Variants in PTPN13 observed in about 807,000 individuals in gnomAD.
PTPN13 encodes the protein tyrosine-protein phosphatase non-receptor type 13.
In PTPN13, 191 loss-of-function variants were observed where a neutral mutation model predicts 284.0. That is an observed-to-expected ratio of 0.67 (90% confidence interval 0.60 to 0.76). The LOEUF (loss-of-function observed/expected upper bound fraction) is 0.76, where lower values mean the gene tolerates loss of function less well. Ranked by LOEUF, PTPN13 falls within the 30% of genes least tolerant of loss-of-function variation. The probability of loss-of-function intolerance (pLI) is 0.00; values close to 1 mark genes in which losing one functional copy is unlikely to be tolerated. For synonymous variants in PTPN13, 986 were observed against 1,022.3 expected (o/e 0.96, Z 0.68); for missense variants, 2,797 against 2,939.9 (o/e 0.95, Z 1.12).
intron 2 of PTPN13, among the ~76,000 whole-genome samples, chr4:86,659,449 T>G (rs78208023): frequency 1.3e-3 from 191 of 152,310 alleles, no homozygotes; most frequent in African/African-American, 4.4e-3. Context: ...AATATCTGAT[T>G]AAGTATTCAT....
At chr4:86,763,291 C>A in intron 24 of PTPN13, 101 bp downstream of exon 24, 2 of 1,039,682 alleles carry the variant, frequency 1.9e-6, no homozygotes, top group Non-Finnish European at 2.8e-6. Flanking sequence ...TTTCATTATT[C>A]TGGAAAAAAG....
chr4:86,805,241 C>A, intron 43 of PTPN13, 38 bp from the exon 44 acceptor site: 1 of 1,372,784 alleles, frequency 7.3e-7, no homozygotes, highest in South Asian at 1.3e-5. Context: ...TGAATTACTG[C>A]TTATCTCAAC....
intron 47 of PTPN13, among the ~76,000 whole-genome samples, chr4:86,813,532 C>T (rs553140707): frequency 2.6e-5 from 4 of 152,286 alleles, no homozygotes; most frequent in Non-Finnish European, 4.4e-5. Flanking sequence ...GCAACCTCCA[C>T]CTCCCAGGTT....
chr4:86,785,834 T>C lies in PTPN13; in HGVS notation c.6257-14T>C, dbSNP rs1741834862. 1 of 1,501,160 alleles carries C rather than the reference T, an allele frequency of 6.7e-7. No individual in the cohort carries two copies. The highest frequency in any genetic ancestry group is 1.4e-5 in the African/African-American group (1 of 72,060). The allele number at this position is 1,501,160 out of a possible 1,614,324, so 93.0% of individuals were successfully genotyped here. A position where few individuals can be genotyped will look rare whatever the true frequency, so the allele number is the denominator to read the frequency against. ...TTTTATAAATTCCTCTTGGCCTATA[T>C]ATTCCTCTCTCAGGTACATTAAAGA... is the stretch of plus-strand genomic sequence containing the variant. On this transcript the variant is annotated splice_polypyrimidine_tract_variant and intron_variant, in intron 39 of 47. Coordinates refer to ENST00000411767, the MANE Select transcript of PTPN13 (RefSeq NM_080683.3).
At chr4:86,677,467 A>G (rs1728417211) in intron 3 of PTPN13, among the ~76,000 whole-genome samples, 2 of 151,328 alleles carry the variant, frequency 1.3e-5, no homozygotes, top group South Asian at 2.1e-4. Context: ...GGCGCATGCC[A>G]CCACACCCAG....
chr4:86,598,641 C>G (rs1000175576), intron 1 of PTPN13, among the ~76,000 whole-genome samples: 1 of 152,164 alleles, frequency 6.6e-6, no homozygotes, highest in African/African-American at 2.4e-5. Context: ...TACCTACTAG[C>G]CAATAAATGT....
intron 42 of PTPN13, among the ~76,000 whole-genome samples, chr4:86,799,431 A>G (rs866815480): frequency 2.0e-5 from 3 of 151,394 alleles, no homozygotes; most frequent in Admixed American, 6.6e-5. Context: ...TCCGCAGTTC[A>G]AGCAATTCTC....
At chr4:86,652,041 C>T (rs1267905038) in intron 2 of PTPN13, among the ~76,000 whole-genome samples, 1 of 152,140 alleles carries the variant, frequency 6.6e-6, no homozygotes, top group Admixed American at 6.5e-5. Flanking sequence ...ATGATCACAC[C>T]TGTGAATAGC....
At position 86,782,262 on chromosome 4, in the gene PTPN13, G is replaced by T; in HGVS notation, c.6024G>T (p.Thr2008=). The change falls in exon 37 of 48, where the codon ACG becomes ACT. Residue 2008 remains threonine (T), a splice_region_variant and synonymous_variant. Transcript: ENST00000411767. The part of the protein sequence containing the change: ...PALTPNDSFS[T]VAGEEINEIS... ...TCACTCCTAATGATTCATTCTCCAC[G>T]GTAAGAAAAAGCCCACCCTCTTTCA... 1 of 1,603,476 alleles carries T rather than the reference G, an allele frequency of 6.2e-7. No homozygotes were observed. Among genetic ancestry groups the T allele is most frequent in the Non-Finnish European group, 8.5e-7 (1 of 1,170,572 alleles).
chr4:86,812,322 A>AT, intron 47 of PTPN13, among the ~76,000 whole-genome samples: 1 of 151,008 alleles, frequency 6.6e-6, no homozygotes, highest in East Asian at 1.9e-4. Flanking sequence ...AAAAAAAAAA[A>AT]AAAAAAAAAA....
intron 22 of PTPN13, 69 bp from the exon 23 acceptor site, chr4:86,758,873 A>G: frequency 4.4e-6 from 7 of 1,584,760 alleles, no homozygotes; most frequent in Non-Finnish European, 6.0e-6. Flanking sequence ...TGAGAAAGAG[A>G]TGATATTTCT....
intron 31 of PTPN13, 71 bp from the exon 32 acceptor site, chr4:86,772,706 GT>G: frequency 7.8e-7 from 1 of 1,274,480 alleles, no homozygotes; most frequent in Non-Finnish European, 1.1e-6. Context: ...AGTGTTTTCT[GT>G]TTCTGGCACA....
At chr4:86,806,100 C>A (rs1489379599) in intron 44 of PTPN13, among the ~76,000 whole-genome samples, 2 of 150,138 alleles carry the variant, frequency 1.3e-5, no homozygotes, top group Admixed American at 6.7e-5. Flanking sequence ...GAGGTTGCAG[C>A]GAGCCAAGAT....
intron 2 of PTPN13, among the ~76,000 whole-genome samples, chr4:86,643,602 A>G (rs994111298): frequency 3.3e-5 from 5 of 152,170 alleles, no homozygotes; most frequent in Non-Finnish European, 5.9e-5. Flanking sequence ...TATTGCATAA[A>G]TACTTTCAGG....
intron 41 of PTPN13, 35 bp downstream of exon 41, chr4:86,796,964 T>G (rs770716473): frequency 1.4e-5 from 17 of 1,194,444 alleles, no homozygotes; most frequent in Non-Finnish European, 1.9e-5. Context: ...CCATAATGCT[T>G]CTGTCTATCT....
intron 3 of PTPN13, among the ~76,000 whole-genome samples, chr4:86,677,507 G>T (rs1428507504): frequency 1.3e-5 from 2 of 151,486 alleles, no homozygotes; most frequent in Non-Finnish European, 2.9e-5. Context: ...TAGAGACAGG[G>T]TCTCACCATG....
intron 17 of PTPN13, among the ~76,000 whole-genome samples, chr4:86,747,590 T>C (rs1736932598): frequency 6.6e-6 from 1 of 151,908 alleles, no homozygotes; most frequent in African/African-American, 2.4e-5. Flanking sequence ...GCAGTAGTAG[T>C]AGTAGATGAA....
chr4:86,700,336 T>A (rs1177201447), intron 6 of PTPN13, among the ~76,000 whole-genome samples: 1 of 152,170 alleles, frequency 6.6e-6, no homozygotes, highest in Non-Finnish European at 1.5e-5. Flanking sequence ...ATTGAGTTAG[T>A]GACTATAAAA....
At chr4:86,761,170 A>ATATATATATATATATATAT (rs60263343) in intron 23 of PTPN13, among the ~76,000 whole-genome samples, 9 of 144,296 alleles carry the variant, frequency 6.2e-5, no homozygotes, top group South Asian at 2.2e-4. Flanking sequence ...ATATATATAT[A>ATATATATATATATATATAT]AACACAACAC....
Sources: gnomAD v4.1 joint callset for allele counts (sites outside exome capture counted in the v4.1 genomes callset) on GRCh38, gnomAD v4.1.1 for gene constraint, MANE v1.5 for transcripts, NCBI Gene and HGNC (gene_info 2026-07-23, HGNC 2026-07-21) for gene names.